Variants in TJP3 observed in about 807,000 individuals in gnomAD.
TJP3 encodes the protein tight junction protein 3.
Under a neutral mutation model 104.2 loss-of-function variants are expected in TJP3, and 85 were observed. The ratio of observed to expected loss-of-function variants is 0.82; its 90% CI spans 0.68 to 0.98. The LOEUF is 0.98. Among genes scored for constraint, TJP3 ranks in the 50% least tolerant of loss-of-function variants. The pLI, the probability that TJP3 is intolerant of heterozygous loss-of-function variation, is 0.00. For missense variants in TJP3, 1,367 were observed against 1,322.8 expected, an observed-to-expected ratio of 1.03 and a Z score of -0.52; for synonymous variants, 550 against 550.6, an observed-to-expected ratio of 1.00 and a Z score of 0.02.
Position 3,746,230 on chromosome 19 carries a change from G to C in TJP3, c.2010+149G>C. The C allele has an allele frequency of 1.1e-6, 1 of 884,246 alleles. No individual in the cohort carries two copies. 54.8% of individuals were successfully genotyped at this position (884,246 alleles called of 1,614,324 possible). A position where few individuals can be genotyped will look rare whatever the true frequency, so the allele number is the denominator to read the frequency against. On this transcript the variant is annotated intron_variant, in intron 16 of 20. Coordinates refer to ENST00000541714, the MANE Select transcript of TJP3 (RefSeq NM_001267560.2). This position sits in a 1 kb window ranked among gnomAD's most constrained non-coding sequence, Gnocchi z 4.1. ...CTTTTGGAGGCTTTGTGAGGCAGGA[G>C]GCCCGAGACAGACAAGGGCTTCTCG...
intron 14 of TJP3, among the ~76,000 whole-genome samples, chr19:3,742,575 G>A (rs927666124): frequency 4.8e-5 from 7 of 145,800 alleles, no homozygotes; most frequent in Non-Finnish European, 1.0e-4. Flanking sequence ...ACAGGGGTGG[G>A]TGGATGGACC....
intron 10 of TJP3, 30 bp downstream of exon 10, chr19:3,735,965 T>A: frequency 6.2e-7 from 1 of 1,612,636 alleles, no homozygotes; most frequent in Non-Finnish European, 8.5e-7. Flanking sequence ...GCAAACCCGC[T>A]CAAAACTCCT....
chr19:3,728,945 C>T (rs956295782), intron 3 of TJP3, among the ~76,000 whole-genome samples: 22 of 152,156 alleles, frequency 1.4e-4, no homozygotes, highest in African/African-American at 4.8e-4. Flanking sequence ...CCCAGCTACT[C>T]GGGAGGCTGA....
At position 3,744,052 on chromosome 19, in the gene TJP3, C is replaced by T. The variant is rs2036855271; in HGVS notation, c.1939+18C>T. On this transcript the variant is annotated intron_variant, in intron 15 of 20. Transcript: ENST00000541714. ...AATCGCAGGTGAGAAGCCAGATCCTCTGGAAACCTCGTTGGTGAAATAGTT... is the reference window on the plus strand; with the variant it reads ...AATCGCAGGTGAGAAGCCAGATCCTTTGGAAACCTCGTTGGTGAAATAGTT... 1 of 1,610,018 alleles carries T rather than the reference C, an allele frequency of 6.2e-7. No homozygotes were observed. Among genetic ancestry groups the T allele is most frequent in the African/African-American group, 1.3e-5 (1 of 74,820 alleles).
In TJP3 at chr19:3,730,434, A is replaced by G; in HGVS notation, c.341A>G (p.Glu114Gly). 6.3e-7 allele frequency: 1 copy of G among 1,591,394 alleles called. No individual in the cohort carries two copies. The highest frequency in any genetic ancestry group is 8.5e-7 in the Non-Finnish European group (1 of 1,169,992). Residue 114 changes from glutamate to glycine, a missense_variant, in exon 5 of 21, where the codon GAA becomes GGA. Transcript: ENST00000541714. The surrounding 1 kb of genome is among the most constrained non-coding windows in gnomAD (Gnocchi z 7.3). ...AGCCCAGGGCGCCAGGACTCGGATG[A>G]AGACGATGGGCCCCAGCGGGTGGAG... ...PSSPGRQDSD[E>G]DDGPQRVEEV...
intron 1 of TJP3, among the ~76,000 whole-genome samples, chr19:3,727,762 T>C (rs1568381140): frequency 6.6e-6 from 1 of 151,918 alleles, no homozygotes; most frequent in Non-Finnish European, 1.5e-5. Flanking sequence ...CCTGGCGTGG[T>C]GGTGGGCACC....
At chr19:3,736,468 G>C (rs949300582) in intron 11 of TJP3, 147 bp downstream of exon 11, 2 of 812,164 alleles carry the variant, frequency 2.5e-6, no homozygotes, top group Non-Finnish European at 3.4e-6. Flanking sequence ...GTGTCTCCTT[G>C]GCTGTGTCAT....
At position 3,740,636 on chromosome 19, in the gene TJP3, C is replaced by T. The variant is rs764838659; in HGVS notation, c.1716C>T (p.Ala572=). 7.5e-6 allele frequency: 12 copies of T among 1,596,634 alleles called. No homozygotes were observed. Among genetic ancestry groups the T allele is most frequent in the African/African-American group, 4.0e-5 (3 of 74,172 alleles). ...PGSSAGSNAR[A]EFWRLRGLRR... ...CCTCCGCGGGCTCCAATGCTCGGGC[C>T]GAGTTCTGGCGGCTGCGGGGTCTTC... Residue 572 remains alanine (A), a synonymous_variant, in exon 14 of 21, where the codon GCC becomes GCT. Transcript: ENST00000541714.
intron 1 of TJP3, among the ~76,000 whole-genome samples, chr19:3,709,716 G>C (rs886491537): frequency 1.3e-5 from 2 of 152,162 alleles, no homozygotes; most frequent in Admixed American, 6.6e-5. Context: ...GAGCAGGCTT[G>C]CTTGAGATTC....
At chr19:3,717,545 C>A (rs1356770061) in intron 1 of TJP3, among the ~76,000 whole-genome samples, 1 of 151,946 alleles carries the variant, frequency 6.6e-6, no homozygotes, top group Non-Finnish European at 1.5e-5. Flanking sequence ...AAGTGATTCT[C>A]TTGCCTCAGC....
In TJP3 at chr19:3,741,414, G is replaced by A. The variant is rs189112108; in HGVS notation, c.1843+651G>A. ...GAGCTTGGGAGGTCGAGGTTGCAGT[G>A]AGCTATGATCGCACCAGCCTGGCCC... On this transcript the variant is annotated intron_variant, in intron 14 of 20. Coordinates refer to ENST00000541714, the MANE Select transcript of TJP3 (RefSeq NM_001267560.2). 6.1e-4 allele frequency among the ~76,000 whole-genome samples: 93 copies of A among 152,170 alleles called. 1 individual carries two copies. Among genetic ancestry groups the A allele is most frequent in the African/African-American group, 2.1e-3 (88 of 41,502 alleles).
chr19:3,722,856 C>CCG (rs2036554997), intron 1 of TJP3, among the ~76,000 whole-genome samples: 1 of 11,272 alleles, frequency 8.9e-5, no homozygotes, highest in Non-Finnish European at 2.9e-4. Flanking sequence ...GATGGGGTGG[C>CCG]GGGGGGGGGG....
intron 1 of TJP3, among the ~76,000 whole-genome samples, chr19:3,714,105 C>T (rs942988422): frequency 6.6e-6 from 1 of 151,840 alleles, no homozygotes; most frequent in Non-Finnish European, 1.5e-5. Context: ...GGCTGGAGTG[C>T]AGTGGCGCAA....
chr19:3,745,271 T>A (rs887441991), intron 15 of TJP3, among the ~76,000 whole-genome samples: 1 of 149,342 alleles, frequency 6.7e-6, no homozygotes, highest in African/African-American at 2.5e-5. Context: ...TTAGCCACCC[T>A]GGTAGCTGGG....
chr19:3,748,144 G>C (rs1369317426), intron 19 of TJP3, 63 bp downstream of exon 19: 2 of 1,463,628 alleles, frequency 1.4e-6, no homozygotes, highest in East Asian at 2.5e-5. Flanking sequence ...GCACAGAGCA[G>C]ACACACACTG....
At chr19:3,737,819 A>G (rs2036755940) in intron 11 of TJP3, among the ~76,000 whole-genome samples, 1 of 152,208 alleles carries the variant, frequency 6.6e-6, no homozygotes, top group Non-Finnish European at 1.5e-5. Flanking sequence ...TAACCTTGAC[A>G]TCCACGTCAT....
chr19:3,715,081 T>G lies in TJP3; in HGVS notation c.-10+6520T>G, dbSNP rs541864556. ...GAAAACCAGGTTTTTTGTTTGTTTG[T>G]TTGGTTGGTTGGTTTTTTTTTTTTT... On this transcript the variant is annotated intron_variant, in intron 1 of 20. Coordinates refer to ENST00000541714, the MANE Select transcript of TJP3 (RefSeq NM_001267560.2). Among the ~76,000 whole-genome samples, 150 of 150,008 alleles carry G rather than the reference T, an allele frequency of 1.0e-3. 1 individual carries two copies. In the South Asian group the frequency reaches 0.014, roughly 14 times the overall value.
Position 3,736,149 on chromosome 19 carries a change from C to T in TJP3, c.1128-16C>T, listed in dbSNP as rs535559371. ...CGCCCACTCTGCTCTGACCCCATCT[C>T]TGCCTCCCCTTGCAGGTACAGCCCC... On this transcript the variant is annotated splice_polypyrimidine_tract_variant and intron_variant, in intron 10 of 20. Coordinates refer to ENST00000541714, the MANE Select transcript of TJP3 (RefSeq NM_001267560.2). The T allele has an allele frequency of 1.9e-6, 3 of 1,574,642 alleles. No homozygotes were observed. Among genetic ancestry groups the T allele is most frequent in the South Asian group, 2.3e-5 (2 of 85,226 alleles).
Position 3,730,737 on chromosome 19 carries a change from A to G in TJP3, c.613+31A>G, listed in dbSNP as rs1167182058. 1 of 1,578,036 alleles carries G rather than the reference A, an allele frequency of 6.3e-7. No individual in the cohort carries two copies. ...AAGAGGCGGGAGGTCGGACACGATCAGTACTGGACACAGGGCACCGTGGTC... is the reference window on the plus strand; with the variant it reads ...AAGAGGCGGGAGGTCGGACACGATCGGTACTGGACACAGGGCACCGTGGTC... On this transcript the variant is annotated intron_variant, in intron 5 of 20. Transcript: ENST00000541714. The surrounding 1 kb of genome is among the most constrained non-coding windows in gnomAD (Gnocchi z 7.3).
Sources: allele counts gnomAD v4.1 joint callset (sites outside exome capture counted in the v4.1 genomes callset), GRCh38; gene constraint gnomAD v4.1.1; non-coding constraint Gnocchi (gnomAD v3.1); transcripts MANE v1.5; gene names NCBI Gene and HGNC (gene_info 2026-07-23, HGNC 2026-07-21).